The following HCN1 variants were observed in gnomAD, a reference collection of about 807,000 sequenced individuals.
HCN1 encodes potassium/sodium hyperpolarization-activated cyclic nucleotide-gated channel 1.
A neutral mutation model predicts 78.9 loss-of-function variants in HCN1; 13 were observed. The ratio of observed to expected loss-of-function variants is 0.16; its 90% CI spans 0.11 to 0.26. HCN1 has a LOEUF of 0.26. Ranked by LOEUF, HCN1 falls within the 10% of genes least tolerant of loss-of-function variation. The pLI, the probability that HCN1 is intolerant of heterozygous loss-of-function variation, is 1.00. For missense variants in HCN1, 810 were observed against 1,154.3 expected (o/e 0.70, Z 4.32); for synonymous variants, 552 against 455.5 (o/e 1.21, Z -2.70).
intron 2 of HCN1, among the ~76,000 whole-genome samples, chr5:45,509,400 A>G (rs1461696010): frequency 2.0e-5 from 3 of 152,144 alleles, no homozygotes; most frequent in Non-Finnish European, 4.4e-5. Context: ...AGAGAAAAAT[A>G]AAGGGAAAAA....
chr5:45,375,114 A>C (rs1455201733), intron 4 of HCN1, among the ~76,000 whole-genome samples: 2 of 124,036 alleles, frequency 1.6e-5, no homozygotes, highest in African/African-American at 6.1e-5. Flanking sequence ...TATAATATAT[A>C]ATATATTATA....
chr5:45,373,268 A>C (rs1349625674), intron 4 of HCN1, among the ~76,000 whole-genome samples: 1 of 115,824 alleles, frequency 8.6e-6, no homozygotes, highest in African/African-American at 3.4e-5. Flanking sequence ...ATTATATATT[A>C]TATATATTTT....
At chr5:45,395,513 C>T (rs1256616524) in intron 4 of HCN1, among the ~76,000 whole-genome samples, 1 of 152,038 alleles carries the variant, frequency 6.6e-6, no homozygotes, top group Non-Finnish European at 1.5e-5. Context: ...ATCTAGGTTC[C>T]CTTTCTCATA....
At chr5:45,425,189 T>G (rs1027270242) in intron 3 of HCN1, among the ~76,000 whole-genome samples, 1 of 152,206 alleles carries the variant, frequency 6.6e-6, no homozygotes, top group Non-Finnish European at 1.5e-5. Context: ...ATAAGTTAAC[T>G]GCAGTGGTAT....
chr5:45,650,081 G>A (rs1745648427), intron 1 of HCN1, among the ~76,000 whole-genome samples: 1 of 152,040 alleles, frequency 6.6e-6, no homozygotes, highest in African/African-American at 2.4e-5. Context: ...CTGCCCCAGA[G>A]AAAAAGTATT....
chr5:45,445,862 G>A (rs1370564281), intron 3 of HCN1, among the ~76,000 whole-genome samples: 1 of 152,076 alleles, frequency 6.6e-6, no homozygotes, highest in Non-Finnish European at 1.5e-5. Flanking sequence ...AAACACAAAG[G>A]ACATGCACAC....
intron 2 of HCN1, among the ~76,000 whole-genome samples, chr5:45,533,669 C>A (rs1166361844): frequency 6.6e-6 from 1 of 152,102 alleles, no homozygotes; most frequent in African/African-American, 2.4e-5. Flanking sequence ...ATAGCTATAC[C>A]ATATGGAGGG....
chr5:45,459,834 CTCAG>C (rs1741110323), intron 3 of HCN1, among the ~76,000 whole-genome samples: 1 of 152,066 alleles, frequency 6.6e-6, no homozygotes, highest in Admixed American at 6.6e-5. Context: ...ATACTATCCT[CTCAG>C]TCAGTAGCCA....
chr5:45,330,535 T>C (rs892345421), intron 5 of HCN1, among the ~76,000 whole-genome samples: 1 of 150,856 alleles, frequency 6.6e-6, no homozygotes, highest in African/African-American at 2.4e-5. Context: ...TGTATATATA[T>C]GTAAAATCAT....
chr5:45,271,359 TACACACACACACACACACACAC>T lies in HCN1; in HGVS notation c.1619-4128_1619-4107del, dbSNP rs34016747. Among the ~76,000 whole-genome samples, 6 of 137,416 alleles carry T rather than the reference TACACACACACACACACACACAC, an allele frequency of 4.4e-5. No individual in the cohort carries two copies. The South Asian group carries it at 1.0e-3, about 23-fold the overall frequency. The allele number at this position is 137,416 out of a possible 152,430, so 90.2% of individuals were successfully genotyped here. ...ATGTCTGGTTTCCTGCTGATTCAGG[TACACACACACACACACACACAC>T]ACACACACACACACACACACAGACA... On this transcript the variant is annotated intron_variant, in intron 6 of 7. Coordinates refer to ENST00000303230, the MANE Select transcript of HCN1 (RefSeq NM_021072.4).
intron 3 of HCN1, among the ~76,000 whole-genome samples, chr5:45,417,565 A>T (rs1740141519): frequency 1.3e-5 from 2 of 151,920 alleles, no homozygotes; most frequent in Admixed American, 1.3e-4. Context: ...ATACAGTGTG[A>T]TATTCTTAAT....
intron 2 of HCN1, among the ~76,000 whole-genome samples, chr5:45,490,421 T>C (rs1741858578): frequency 6.6e-6 from 1 of 152,204 alleles, no homozygotes; most frequent in Admixed American, 6.6e-5. Context: ...TGGTATTATT[T>C]ATTTTCTCCA....
At chr5:45,342,836 T>A (rs1032298681) in intron 5 of HCN1, among the ~76,000 whole-genome samples, 1 of 152,108 alleles carries the variant, frequency 6.6e-6, no homozygotes, top group African/African-American at 2.4e-5. Flanking sequence ...TTAACAAAAT[T>A]TGAAAACATA....
intron 2 of HCN1, among the ~76,000 whole-genome samples, chr5:45,521,495 T>A (rs1012712309): frequency 6.6e-6 from 1 of 151,968 alleles, no homozygotes; most frequent in African/African-American, 2.4e-5. Flanking sequence ...CCTCAGAAAT[T>A]GCTTGGCTTG....
At chr5:45,344,461 G>A (rs1746654510) in intron 5 of HCN1, among the ~76,000 whole-genome samples, 1 of 152,076 alleles carries the variant, frequency 6.6e-6, no homozygotes, top group Admixed American at 6.6e-5. Context: ...ACAGTGCAAA[G>A]TCTCATCTGA....
chr5:45,317,698 G>A (rs2111929725), intron 5 of HCN1, among the ~76,000 whole-genome samples: 1 of 152,124 alleles, frequency 6.6e-6, no homozygotes, highest in Admixed American at 6.5e-5. Flanking sequence ...AATCTACAAA[G>A]AGCTCAAACA....
chr5:45,671,777 C>G (rs1746156682), intron 1 of HCN1, among the ~76,000 whole-genome samples: 1 of 151,568 alleles, frequency 6.6e-6, no homozygotes, highest in East Asian at 1.9e-4. Context: ...TTTTATAAGT[C>G]TGACATGGTT....
intron 3 of HCN1, among the ~76,000 whole-genome samples, chr5:45,446,517 G>T (rs1307014477): frequency 6.6e-6 from 1 of 152,076 alleles, no homozygotes; most frequent in African/African-American, 2.4e-5. Flanking sequence ...CCAACATTCA[G>T]ATTCAGGAAA....
intron 2 of HCN1, among the ~76,000 whole-genome samples, chr5:45,547,139 G>A (rs1743246973): frequency 6.6e-6 from 1 of 151,824 alleles, no homozygotes; most frequent in African/African-American, 2.4e-5. Flanking sequence ...TGCCAACTGA[G>A]TAAAATCTAA....
Sources: allele counts gnomAD v4.1 joint callset (sites outside exome capture counted in the v4.1 genomes callset), GRCh38; gene constraint gnomAD v4.1.1; transcripts MANE v1.5; gene names NCBI Gene and HGNC (gene_info 2026-07-23, HGNC 2026-07-21).